Variants in MYH9 observed in about 807,000 individuals in gnomAD.
MYH9 encodes the protein myosin heavy chain 9, also known as myosin-9.
In MYH9, 29 loss-of-function variants were observed where a neutral mutation model predicts 241.9. The ratio of observed to expected loss-of-function variants is 0.12; its 90% CI spans 0.09 to 0.16. The LOEUF (loss-of-function observed/expected upper bound fraction) is 0.16. MYH9 is among the 10% of genes least tolerant of loss of function. MYH9 has a pLI of 1.00. For synonymous variants in MYH9, 1,047 were observed against 1,062.6 expected, an observed-to-expected ratio of 0.99 and a Z score of 0.29; for missense variants, 1,803 against 2,595.5, an observed-to-expected ratio of 0.69 and a Z score of 6.63.
At chr22:36,322,341 G>C in intron 6 of MYH9, 88 bp downstream of exon 6, 1 of 1,412,542 alleles carries the variant, frequency 7.1e-7, no homozygotes, top group East Asian at 2.3e-5. Context: ...CGGTTTTGAG[G>C]GGAGGGCACC....
chr22:36,312,119 T>C lies in MYH9; in HGVS notation c.1658A>G (p.His553Arg). 1 of 1,614,114 alleles carries C rather than the reference T, an allele frequency of 6.2e-7. No homozygotes were observed. Among genetic ancestry groups the C allele is most frequent in the Non-Finnish European group, 8.5e-7 (1 of 1,180,020 alleles). The change falls in exon 14 of 41, where the codon CAC (histidine) becomes CGC (arginine). Residue 553 changes from histidine (H) to arginine (R), a missense_variant. By Grantham distance (29) the His-to-Arg change is conservative. Coordinates refer to ENST00000216181, the MANE Select transcript of MYH9 (RefSeq NM_002473.6). ...CTGCTTGGGCTTCTGGAACTTGGGG[T>C]GGGTGCCCTGCTCCTGCATCACCTT... is the stretch of plus-strand genomic sequence containing the variant. ...VEKVMQEQGT[H>R]PKFQKPKQLK...
rs1261023056 is a variant in MYH9 at position 36,295,667 on chromosome 22, T to C, written c.3323A>G (p.Glu1108Gly). The C allele has an allele frequency of 4.3e-6, 7 of 1,613,764 alleles. No homozygotes were observed. Among genetic ancestry groups the C allele is most frequent in the Middle Eastern group, 1.6e-4 (1 of 6,084 alleles). ...GAGTTCAGAGATCTGAGATTCCAGC[T>C]CCCGGATCTTCTTGAGGGCCATGTT... ...QKNMALKKIR[E>G]LESQISELQE... The change falls in exon 26 of 41, where the codon GAG (glutamate) becomes GGG (glycine). Residue 1108 changes from glutamate to glycine, a missense_variant. By Grantham distance (98) the Glu-to-Gly change is moderately conservative (BLOSUM62 -2). Coordinates refer to ENST00000216181, the MANE Select transcript of MYH9 (RefSeq NM_002473.6). The surrounding 1 kb of genome is among the most constrained non-coding windows in gnomAD (Gnocchi z 4.1).
chr22:36,362,215 G>A (rs564633686), intron 1 of MYH9, among the ~76,000 whole-genome samples: 1 of 152,278 alleles, frequency 6.6e-6, no homozygotes, highest in South Asian at 2.1e-4. Flanking sequence ...GCTAGGTGGA[G>A]AGTGATTAAA....
chr22:36,297,233 T>G, intron 24 of MYH9: 1 of 586,958 alleles, frequency 1.7e-6, no homozygotes, highest in Non-Finnish European at 3.0e-6. Context: ...CCCCTTGTCC[T>G]TCCCTGCCAG....
At chr22:36,386,997 G>A (rs2018362393) in intron 1 of MYH9, among the ~76,000 whole-genome samples, 1 of 152,254 alleles carries the variant, frequency 6.6e-6, no homozygotes, top group Non-Finnish European at 1.5e-5. Context: ...GGGTGCGGTG[G>A]AATCAGGTGC....
chr22:36,336,674 C>T (rs1354276768), intron 3 of MYH9, among the ~76,000 whole-genome samples: 2 of 152,218 alleles, frequency 1.3e-5, no homozygotes, highest in Non-Finnish European at 2.9e-5. Flanking sequence ...ACGCTGGGCA[C>T]GTCTGGGATG....
intron 13 of MYH9, among the ~76,000 whole-genome samples, chr22:36,312,727 C>T (rs2017085205): frequency 6.6e-6 from 1 of 152,222 alleles, no homozygotes; most frequent in Admixed American, 6.5e-5. Flanking sequence ...CAGGTTTGGA[C>T]ACTGCAGAGA....
At chr22:36,344,268 G>A (rs1414967637) in intron 2 of MYH9, among the ~76,000 whole-genome samples, 1 of 152,238 alleles carries the variant, frequency 6.6e-6, no homozygotes, top group African/African-American at 2.4e-5. Context: ...ACAGGCCACA[G>A]AGGCTCTTTG....
At chr22:36,312,804 G>T (rs1435006124) in intron 13 of MYH9, among the ~76,000 whole-genome samples, 2 of 152,160 alleles carry the variant, frequency 1.3e-5, no homozygotes, top group Non-Finnish European at 2.9e-5. Flanking sequence ...AAAGAAAAAA[G>T]CTCATTACAA....
chr22:36,297,724 G>A (rs2016810632), intron 24 of MYH9, among the ~76,000 whole-genome samples: 1 of 152,178 alleles, frequency 6.6e-6, no homozygotes, highest in Non-Finnish European at 1.5e-5. Flanking sequence ...TGCAGCTGGC[G>A]GGCATGCGGC....
intron 35 of MYH9, 49 bp from the exon 36 acceptor site, chr22:36,286,002 A>C: frequency 6.3e-7 from 1 of 1,598,846 alleles, no homozygotes; most frequent in South Asian, 1.1e-5. Context: ...CAGCCCCACA[A>C]GACCATCCTT....
At position 36,312,061 on chromosome 22, in the gene MYH9, G is replaced by A; in HGVS notation, c.1716C>T (p.His572=). The A allele has an allele frequency of 6.2e-7, 1 of 1,614,180 alleles. No individual in the cohort carries two copies. Among genetic ancestry groups the A allele is most frequent in the Non-Finnish European group, 8.5e-7 (1 of 1,180,032 alleles). Residue 572 remains histidine (H), a synonymous_variant, in exon 14 of 41, where the codon CAC becomes CAT. Transcript: ENST00000216181. ...GAGCGCTCCTCACCTTGCCGGCATA[G>A]TGGATAATGCAGAAATCAGCTTTGT... ...LKDKADFCII[H]YAGKVDYKAD...
intron 13 of MYH9, among the ~76,000 whole-genome samples, chr22:36,313,472 A>AAAAAAAAAG (rs771935599): frequency 2.5e-4 from 31 of 123,054 alleles, no homozygotes; most frequent in Non-Finnish European, 4.1e-4. Flanking sequence ...AAAAAAAAAA[A>AAAAAAAAAG]AAGAAGAAAA....
chr22:36,320,653 C>A lies in MYH9; in HGVS notation c.868+145G>T. ...ACAGAAGACCAAGTCCTTAGGATGGCGCAGAGAACAGGAGTCACTCTCACT... is the reference window on the plus strand; with the variant it reads ...ACAGAAGACCAAGTCCTTAGGATGGAGCAGAGAACAGGAGTCACTCTCACT... On this transcript the variant is annotated intron_variant, in intron 8 of 40. Transcript: ENST00000216181. The surrounding 1 kb of genome is among the most constrained non-coding windows in gnomAD (Gnocchi z 4.8). The A allele has an allele frequency of 1.3e-6, 1 of 756,810 alleles. No homozygotes were observed. Among genetic ancestry groups the A allele is most frequent in the Non-Finnish European group, 2.2e-6 (1 of 446,108 alleles). 46.9% of individuals were successfully genotyped at this position (756,810 alleles called of 1,614,324 possible). A position where few individuals can be genotyped will look rare whatever the true frequency, so the allele number is the denominator to read the frequency against.
intron 1 of MYH9, among the ~76,000 whole-genome samples, chr22:36,359,864 G>A (rs920435866): frequency 2.0e-5 from 3 of 152,162 alleles, no homozygotes; most frequent in African/African-American, 7.2e-5. Context: ...GCCATGTGAG[G>A]TCCTGGTTCT....
chr22:36,349,558 C>G (rs540403615), intron 1 of MYH9, among the ~76,000 whole-genome samples: 3 of 152,176 alleles, frequency 2.0e-5, no homozygotes, highest in East Asian at 3.9e-4. Flanking sequence ...GGTGAAAACC[C>G]ATCTCTACTA....
At chr22:36,384,561 C>T (rs369435683) in intron 1 of MYH9, among the ~76,000 whole-genome samples, 50 of 100,974 alleles carry the variant, frequency 5.0e-4, no homozygotes, top group African/African-American at 1.3e-3. Context: ...CTAGCCTGGG[C>T]GACAGAGCAA....
chr22:36,282,761 C>G lies in MYH9; in HGVS notation c.5790G>C (p.Val1930=). 6.2e-7 allele frequency: 1 copy of G among 1,612,694 alleles called. No homozygotes were observed. Among genetic ancestry groups the G allele is most frequent in the Non-Finnish European group, 8.5e-7 (1 of 1,179,950 alleles). The part of the protein sequence containing the change: ...KLRRGDLPFV[V]PRRMARKGAG... ...CGCCTTTCCGGGCCATTCGGCGGGG[C>G]ACGACAAACGGCAGGTCCCCGCGCC... Residue 1930 remains valine, a synonymous_variant, in exon 41 of 41, where the codon GTG becomes GTC. Coordinates refer to ENST00000216181, the MANE Select transcript of MYH9 (RefSeq NM_002473.6).
rs192604490 is a variant in MYH9, at chr22:36,342,631, C to T, written c.334-1105G>A. 7.5e-4 allele frequency among the ~76,000 whole-genome samples: 104 copies of T among 139,038 alleles called. 1 individual carries two copies. The highest frequency in any genetic ancestry group is 3.7e-3 in the Middle Eastern group (1 of 268). The allele number at this position is 139,038 out of a possible 152,430, so 91.2% of individuals were successfully genotyped here. A position where few individuals can be genotyped will look rare whatever the true frequency, so the allele number is the denominator to read the frequency against. On this transcript the variant is annotated intron_variant, in intron 2 of 40. Transcript: ENST00000216181. ...TTCTCCCAAGATCCCTTTCCCCCAC[C>T]AAAAAAAAAAAAAAGATTCCTAAAA...
Sources: gnomAD v4.1 joint callset for allele counts (sites outside exome capture counted in the v4.1 genomes callset) on GRCh38, gnomAD v4.1.1 for gene constraint, Gnocchi (gnomAD v3.1) non-coding constraint, MANE v1.5 for transcripts, NCBI Gene and HGNC (gene_info 2026-07-23, HGNC 2026-07-21) for gene names.